Variants in TMEFF1 observed in about 807,000 individuals in gnomAD.
The protein encoded by TMEFF1 is tomoregulin-1.
A neutral mutation model predicts 47.5 loss-of-function variants in TMEFF1; 20 were observed. That is an observed-to-expected ratio of 0.42 (90% CI 0.30 to 0.61). TMEFF1 has a LOEUF of 0.61. Among genes scored for constraint, TMEFF1 ranks in the 20% least tolerant of loss-of-function variants. TMEFF1 has a pLI of 0.19. For missense variants in TMEFF1, 411 were observed against 471.1 expected, an observed-to-expected ratio of 0.87 and a Z score of 1.18; for synonymous variants, 162 against 166.3, an observed-to-expected ratio of 0.97 and a Z score of 0.20.
chr9:100,543,883 G>A (rs186867740), intron 5 of TMEFF1, among the ~76,000 whole-genome samples: 4 of 152,156 alleles, frequency 2.6e-5, no homozygotes, highest in Admixed American at 6.5e-5. Flanking sequence ...CTGGGTTTGA[G>A]ATTTTTCAAA....
intron 1 of TMEFF1, among the ~76,000 whole-genome samples, chr9:100,476,825 T>TC (rs1837240433): frequency 6.6e-6 from 1 of 151,668 alleles, no homozygotes; most frequent in Non-Finnish European, 1.5e-5. Flanking sequence ...GCCTCCCCAG[T>TC]AGCTGGGACT....
chr9:100,560,896 A>T (rs17814828), intron 7 of TMEFF1, among the ~76,000 whole-genome samples: 17,754 of 152,248 alleles, frequency 0.12, 1,168 homozygotes, highest in Middle Eastern at 0.18. Flanking sequence ...AATGTGCTTG[A>T]TAATTTTCAT....
intron 5 of TMEFF1, among the ~76,000 whole-genome samples, chr9:100,519,333 G>C (rs1838121882): frequency 6.6e-6 from 1 of 151,916 alleles, no homozygotes; most frequent in African/African-American, 2.4e-5. Flanking sequence ...GCTTGAACCT[G>C]GTAGGCAGAG....
intron 5 of TMEFF1, among the ~76,000 whole-genome samples, chr9:100,542,921 C>G (rs922734917): frequency 7.1e-6 from 1 of 140,418 alleles, no homozygotes; most frequent in Non-Finnish European, 1.5e-5. Context: ...CTCTCTCTCT[C>G]TCTTTTTTTT....
intron 5 of TMEFF1, among the ~76,000 whole-genome samples, chr9:100,533,474 T>G (rs1838440441): frequency 6.6e-6 from 1 of 152,170 alleles, no homozygotes; most frequent in African/African-American, 2.4e-5. Context: ...GAAGTTTTAG[T>G]CTGTTTCATT....
intron 5 of TMEFF1, among the ~76,000 whole-genome samples, chr9:100,530,795 T>G (rs1838361539): frequency 6.6e-6 from 1 of 152,004 alleles, no homozygotes; most frequent in Non-Finnish European, 1.5e-5. Context: ...AAAGAGAATT[T>G]TAGACCAATA....
intron 5 of TMEFF1, among the ~76,000 whole-genome samples, chr9:100,542,446 T>C (rs958956639): frequency 6.6e-6 from 1 of 152,364 alleles, no homozygotes; most frequent in East Asian, 1.9e-4. Flanking sequence ...GAATTTCCTT[T>C]ACTGACAGTC....
intron 7 of TMEFF1, among the ~76,000 whole-genome samples, chr9:100,557,684 G>C (rs1351216664): frequency 6.6e-6 from 1 of 152,058 alleles, no homozygotes. Context: ...AACTTCCATA[G>C]CACCTAGTGT....
intron 5 of TMEFF1, among the ~76,000 whole-genome samples, chr9:100,524,240 G>C (rs941076474): frequency 6.6e-6 from 1 of 151,772 alleles, no homozygotes; most frequent in Non-Finnish European, 1.5e-5. Context: ...GTATACAAAA[G>C]TGTTTAAACA....
At chr9:100,573,235 C>T (rs1380868634) in intron 9 of TMEFF1, among the ~76,000 whole-genome samples, 2 of 152,126 alleles carry the variant, frequency 1.3e-5, no homozygotes, top group Non-Finnish European at 2.9e-5. Context: ...ACGTACTTTA[C>T]TCACAGTTAG....
chr9:100,518,375 T>C, intron 5 of TMEFF1: 2 of 944,292 alleles, frequency 2.1e-6, no homozygotes, highest in Non-Finnish European at 2.5e-6. Context: ...AATTAATTTT[T>C]TGTGTGTCTA....
At chr9:100,571,729 T>C (rs1238363804) in intron 8 of TMEFF1, among the ~76,000 whole-genome samples, 1 of 152,162 alleles carries the variant, frequency 6.6e-6, no homozygotes, top group African/African-American at 2.4e-5. Flanking sequence ...TACATGGTAA[T>C]ACTTAATGAA....
chr9:100,483,756 C>A (rs1222929101), intron 1 of TMEFF1, among the ~76,000 whole-genome samples: 1 of 151,740 alleles, frequency 6.6e-6, no homozygotes, highest in African/African-American at 2.4e-5. Context: ...CTTTGTGTAT[C>A]TACTCTTTCT....
At chr9:100,541,361 TTC>T (rs1356688880) in intron 5 of TMEFF1, among the ~76,000 whole-genome samples, 1 of 146,970 alleles carries the variant, frequency 6.8e-6, no homozygotes, top group African/African-American at 2.5e-5. Context: ...TTTTTTTTTT[TTC>T]TTTCTTTCTT....
intron 7 of TMEFF1, among the ~76,000 whole-genome samples, chr9:100,550,382 T>G (rs571006278): frequency 2.6e-5 from 4 of 152,350 alleles, no homozygotes; most frequent in Non-Finnish European, 5.9e-5. Context: ...AAAGTCTGTA[T>G]TGAGATAATT....
At chr9:100,478,544 T>G (rs1245553916) in intron 1 of TMEFF1, among the ~76,000 whole-genome samples, 1 of 152,224 alleles carries the variant, frequency 6.6e-6, no homozygotes, top group Non-Finnish European at 1.5e-5. Flanking sequence ...AAGACTTCTT[T>G]TGTTGTCCTC....
intron 7 of TMEFF1, among the ~76,000 whole-genome samples, chr9:100,556,252 A>C (rs1328308639): frequency 1.3e-5 from 2 of 152,170 alleles, no homozygotes; most frequent in Non-Finnish European, 2.9e-5. Flanking sequence ...CTTAAAAAAT[A>C]CTTTTTGAAT....
intron 5 of TMEFF1, among the ~76,000 whole-genome samples, chr9:100,539,576 G>A (rs947140421): frequency 1.4e-4 from 22 of 152,150 alleles, no homozygotes; most frequent in African/African-American, 5.1e-4. Context: ...TCCTTCTGGT[G>A]GGTTTGTGGT....
chr9:100,541,347 C>CG (rs748303966), intron 5 of TMEFF1, among the ~76,000 whole-genome samples: 6,179 of 131,284 alleles, frequency 0.047, 312 homozygotes, highest in South Asian at 0.22. Flanking sequence ...TTGGCAATTT[C>CG]ATTTTTTTTT....
Sources: allele counts gnomAD v4.1 joint callset (sites outside exome capture counted in the v4.1 genomes callset), GRCh38; gene constraint gnomAD v4.1.1; transcripts MANE v1.5; gene names NCBI Gene and HGNC (gene_info 2026-07-23, HGNC 2026-07-21).